The following GABPB2 variants were observed in gnomAD, a reference collection of about 807,000 sequenced individuals.
The protein encoded by GABPB2 is GA binding protein transcription factor subunit beta 2.
A neutral mutation model predicts 39.1 loss-of-function variants in GABPB2; 23 were observed. The observed-to-expected ratio is 0.59, with a 90% CI of 0.42 to 0.83. The LOEUF (loss-of-function observed/expected upper bound fraction) is 0.83. GABPB2 is among the 40% of genes least tolerant of loss of function. The pLI, the probability that GABPB2 is intolerant of heterozygous loss-of-function variation, is 0.00. For synonymous variants in GABPB2, 184 were observed against 199.3 expected, an observed-to-expected ratio of 0.92 and a Z score of 0.65; for missense variants, 467 against 541.1, an observed-to-expected ratio of 0.86 and a Z score of 1.36.
In GABPB2 at chr1:151,091,037, A is replaced by C. The variant is rs587657524; in HGVS notation, c.276+464A>C. ...CAAAACAAAAAAACAAAAAAACAAA[A>C]AAAAAAACCTTCATGGCTATGAGGA... On this transcript the variant is annotated intron_variant, in intron 3 of 8. Transcript: ENST00000368918. 3.3e-5 allele frequency among the ~76,000 whole-genome samples: 5 copies of C among 151,082 alleles called. No homozygotes were observed. The East Asian group carries it at 7.8e-4, about 23-fold the overall frequency.
At chr1:151,073,361 T>C (rs1182616240) in intron 1 of GABPB2, among the ~76,000 whole-genome samples, 1 of 152,068 alleles carries the variant, frequency 6.6e-6, no homozygotes, top group African/African-American at 2.4e-5. Context: ...AGTTTATGTA[T>C]AGGGAAAGTG....
intron 7 of GABPB2, among the ~76,000 whole-genome samples, chr1:151,117,015 G>T (rs1680929131): frequency 6.6e-6 from 1 of 152,138 alleles, no homozygotes; most frequent in Non-Finnish European, 1.5e-5. Flanking sequence ...TTCCAAGCCT[G>T]CAAATCTATA....
rs192111926 is a variant in GABPB2, at chr1:151,075,754, A to G, written c.-1+4820A>G. On this transcript the variant is annotated intron_variant, in intron 1 of 8. Coordinates refer to ENST00000368918, the MANE Select transcript of GABPB2 (RefSeq NM_144618.3). ...AACCCAAAAAAACACAAAACAAAAC[A>G]AAAAAAGAATGCCTTAATGGGAATG... Among the ~76,000 whole-genome samples the G allele has an allele frequency of 9.6e-3, 1,461 of 151,860 alleles. 12 individuals are homozygous for G. The highest frequency in any genetic ancestry group is 0.015 in the Non-Finnish European group (1,021 of 67,934).
At chr1:151,102,034 A>G (rs1319721232) in intron 5 of GABPB2, among the ~76,000 whole-genome samples, 2 of 152,146 alleles carry the variant, frequency 1.3e-5, no homozygotes, top group Non-Finnish European at 2.9e-5. Context: ...TTAAAAGTAC[A>G]TCTTGGCTGG....
chr1:151,100,135 T>G (rs1350513356), intron 5 of GABPB2, among the ~76,000 whole-genome samples: 1 of 151,484 alleles, frequency 6.6e-6, no homozygotes, highest in Non-Finnish European at 1.5e-5. Context: ...TCACACTGAT[T>G]AAAACAACTT....
At chr1:151,103,500 T>C (rs587758864) in intron 5 of GABPB2, 62 bp from the exon 6 acceptor site, 1 of 1,101,466 alleles carries the variant, frequency 9.1e-7, no homozygotes, top group African/African-American at 1.6e-5. Flanking sequence ...TAATAAGCTG[T>C]TTTTAATTTG....
At chr1:151,082,262 A>G (rs587665459) in intron 1 of GABPB2, among the ~76,000 whole-genome samples, 1 of 149,152 alleles carries the variant, frequency 6.7e-6, no homozygotes, top group East Asian at 2.0e-4. Flanking sequence ...TTTTTAGTAG[A>G]GATGGGGTTT....
intron 4 of GABPB2, among the ~76,000 whole-genome samples, chr1:151,097,068 C>T (rs145741695): frequency 4.0e-5 from 6 of 151,890 alleles, no homozygotes; most frequent in East Asian, 1.9e-4. Flanking sequence ...CCTGCCACCA[C>T]GCCCAGCTGA....
chr1:151,092,394 C>T (rs901486820), intron 3 of GABPB2, among the ~76,000 whole-genome samples: 2 of 151,196 alleles, frequency 1.3e-5, no homozygotes, highest in Non-Finnish European at 2.9e-5. Flanking sequence ...CGTGAGCCAC[C>T]GCACCCAGCC....
Position 151,072,373 on chromosome 1 carries a change from C to T in GABPB2, c.-1+1439C>T, listed in dbSNP as rs587764207. Among the ~76,000 whole-genome samples, 5 of 151,710 alleles carry T rather than the reference C, an allele frequency of 3.3e-5. No individual in the cohort carries two copies. The East Asian group carries it at 9.7e-4, about 29-fold the overall frequency. ...ACCAGCCTGGGCGAAATAGGGAGAC[C>T]CCTGTCGGTACAGAGAAAAAAAAAT... On this transcript the variant is annotated intron_variant, in intron 1 of 8. Coordinates refer to ENST00000368918, the MANE Select transcript of GABPB2 (RefSeq NM_144618.3).
chr1:151,097,985 A>G lies in GABPB2; in HGVS notation c.605A>G (p.Asn202Ser), dbSNP rs767011654. 2 of 1,614,008 alleles carry G rather than the reference A, an allele frequency of 1.2e-6. No homozygotes were observed. The highest frequency in any genetic ancestry group is 1.1e-5 in the South Asian group (1 of 91,072). The change falls in exon 5 of 9, where the codon AAC (asparagine) becomes AGC (serine). Residue 202 changes from asparagine (N) to serine (S), a missense_variant. Asn to Ser is a conservative substitution (Grantham distance 46). Coordinates refer to ENST00000368918, the MANE Select transcript of GABPB2 (RefSeq NM_144618.3). Reference sequence around the variant, plus strand: ...CTCGCAAGCCTTATTTCTTCAACCAACACCAAAACAACCTCAGGTAATGTT... The same window carrying G: ...CTCGCAAGCCTTATTTCTTCAACCAGCACCAAAACAACCTCAGGTAATGTT... ...VNLASLISST[N>S]TKTTSGDPHA... is the part of the protein sequence containing the mutation.
At chr1:151,117,787 T>G (rs1680992840) in intron 8 of GABPB2, among the ~76,000 whole-genome samples, 170 bp from the exon 9 acceptor site, 1 of 152,176 alleles carries the variant, frequency 6.6e-6, no homozygotes. Context: ...TTTTGCCATG[T>G]TGGCCAAGTT....
At position 151,088,477 on chromosome 1, in the gene GABPB2, A is replaced by C. The variant is rs779512069; in HGVS notation, c.108+180A>C. The C allele has an allele frequency of 3.8e-5, 51 of 1,341,990 alleles. No homozygotes were observed. In the South Asian group the frequency reaches 6.5e-4, roughly 17 times the overall value. 83.1% of individuals were successfully genotyped at this position (1,341,990 alleles called of 1,614,324 possible). A position where few individuals can be genotyped will look rare whatever the true frequency, so the allele number is the denominator to read the frequency against. ...GTTTTCTTTTTCTTTTAGTTTTCCA[A>C]ATTGAGAGTCTCCTGTGGATATATA... On this transcript the variant is annotated intron_variant, in intron 2 of 8. Coordinates refer to ENST00000368918, the MANE Select transcript of GABPB2 (RefSeq NM_144618.3).
chr1:151,078,920 C>T (rs1677421181), intron 1 of GABPB2, among the ~76,000 whole-genome samples: 1 of 151,994 alleles, frequency 6.6e-6, no homozygotes, highest in Admixed American at 6.6e-5. Flanking sequence ...GACCCGCCTG[C>T]CTCTGCCTCC....
chr1:151,098,959 C>T (rs986748233), intron 5 of GABPB2, among the ~76,000 whole-genome samples: 5 of 151,834 alleles, frequency 3.3e-5, no homozygotes, highest in Non-Finnish European at 2.9e-5. Flanking sequence ...TGGTGGGTGC[C>T]TGTAATCCCA....
At chr1:151,096,513 A>G (rs967396360) in intron 4 of GABPB2, among the ~76,000 whole-genome samples, 4 of 152,260 alleles carry the variant, frequency 2.6e-5, no homozygotes, top group South Asian at 4.1e-4. Flanking sequence ...CAGGTGGTCT[A>G]TATACTGGTT....
At position 151,103,660 on chromosome 1, in the gene GABPB2, T is replaced by A. The variant is rs763408581; in HGVS notation, c.721T>A (p.Ser241Thr). Residue 241 changes from serine to threonine, a missense_variant, in exon 6 of 9, where the codon TCA becomes ACA. By Grantham distance (58) the Ser-to-Thr change is moderately conservative. Transcript: ENST00000368918. ...TGAGGCATCAGTCCCCCTCTCCAAC[T>A]CACACAGAGCCACAGGTAGGTAAGG... ...LAEASVPLSN[S>T]HRATANTEEI... 6.2e-7 allele frequency: 1 copy of A among 1,612,452 alleles called. No individual in the cohort carries two copies. Among genetic ancestry groups the A allele is most frequent in the Non-Finnish European group, 8.5e-7 (1 of 1,178,600 alleles).
chr1:151,080,941 C>T (rs587689194), intron 1 of GABPB2, among the ~76,000 whole-genome samples: 5 of 148,654 alleles, frequency 3.4e-5, no homozygotes, highest in African/African-American at 4.9e-5. Context: ...GGCTCAATCT[C>T]GGCTCACTGC....
chr1:151,080,108 G>T (rs1211841173), intron 1 of GABPB2, among the ~76,000 whole-genome samples: 2 of 151,532 alleles, frequency 1.3e-5, no homozygotes, highest in Non-Finnish European at 2.9e-5. Context: ...CTAGCTACTT[G>T]GGAGGCTGAG....
Sources: gnomAD v4.1 joint callset for allele counts (sites outside exome capture counted in the v4.1 genomes callset) on GRCh38, gnomAD v4.1.1 for gene constraint, MANE v1.5 for transcripts, NCBI Gene and HGNC (gene_info 2026-07-23, HGNC 2026-07-21) for gene names.